NUDCD3: variants seen among roughly 807,000 people sequenced by gnomAD.
NUDCD3 encodes the protein nudC domain-containing protein 3.
A neutral mutation model predicts 39.7 loss-of-function variants in NUDCD3; 13 were observed. That is an observed-to-expected ratio of 0.33 (90% CI 0.21 to 0.52). The LOEUF (loss-of-function observed/expected upper bound fraction) is 0.52, where lower values mean the gene tolerates loss of function less well. Among genes scored for constraint, NUDCD3 ranks in the 20% least tolerant of loss-of-function variants. NUDCD3 has a pLI of 0.96. For missense variants in NUDCD3, 453 were observed against 458.1 expected, an observed-to-expected ratio of 0.99 and a Z score of 0.10; for synonymous variants, 175 against 172.4, an observed-to-expected ratio of 1.02 and a Z score of -0.12.
chr7:44,415,105 G>T (rs1314497569), intron 3 of NUDCD3, among the ~76,000 whole-genome samples: 1 of 152,174 alleles, frequency 6.6e-6, no homozygotes, highest in Non-Finnish European at 1.5e-5. Flanking sequence ...TGGAGGTGAC[G>T]GGACCTTGGT....
chr7:44,487,146 G>C (rs1386855149), intron 1 of NUDCD3, among the ~76,000 whole-genome samples: 1 of 152,120 alleles, frequency 6.6e-6, no homozygotes, highest in Non-Finnish European at 1.5e-5. Context: ...AACGATTTTT[G>C]TCTTAAAACA....
At chr7:44,469,587 C>G (rs1325773554) in intron 2 of NUDCD3, among the ~76,000 whole-genome samples, 1 of 152,102 alleles carries the variant, frequency 6.6e-6, no homozygotes, top group Non-Finnish European at 1.5e-5. Context: ...CCACAAGATA[C>G]TTATTAATTA....
At chr7:44,481,662 C>T (rs1303223662) in intron 2 of NUDCD3, among the ~76,000 whole-genome samples, 3 of 152,182 alleles carry the variant, frequency 2.0e-5, no homozygotes, top group Non-Finnish European at 4.4e-5. Flanking sequence ...TTCTCCATTC[C>T]CTTACTACAG....
chr7:44,399,424 T>C (rs1798681173), intron 4 of NUDCD3, among the ~76,000 whole-genome samples: 1 of 152,216 alleles, frequency 6.6e-6, no homozygotes, highest in Non-Finnish European at 1.5e-5. Flanking sequence ...GCTAAGGTAA[T>C]TTAATCTGTA....
chr7:44,411,827 C>T (rs969897279), intron 3 of NUDCD3, among the ~76,000 whole-genome samples: 2 of 152,148 alleles, frequency 1.3e-5, no homozygotes, highest in Non-Finnish European at 2.9e-5. Flanking sequence ...AAACATATGT[C>T]CAGAGAACTG....
chr7:44,390,347 G>C (rs1395441698), intron 5 of NUDCD3, among the ~76,000 whole-genome samples: 1 of 152,160 alleles, frequency 6.6e-6, no homozygotes, highest in African/African-American at 2.4e-5. Context: ...CTGGGTGACA[G>C]AGCGAGGCTC....
chr7:44,400,265 TGGGAGGGA>T (rs1277919252), intron 4 of NUDCD3, among the ~76,000 whole-genome samples: 3 of 144,248 alleles, frequency 2.1e-5, no homozygotes, highest in Admixed American at 6.8e-5. Context: ...TTCTGAAGTG[TGGGAGGGA>T]GGGAGGGAGG....
chr7:44,398,951 G>C (rs557462221), intron 4 of NUDCD3, among the ~76,000 whole-genome samples: 2 of 152,334 alleles, frequency 1.3e-5, no homozygotes, highest in South Asian at 4.1e-4. Flanking sequence ...GCAATCTCCT[G>C]ATTTTCAATG....
In NUDCD3 at chr7:44,404,475, A is replaced by T; in HGVS notation, c.751T>A (p.Ser251Thr). Residue 251 changes from serine to threonine, a missense_variant, in exon 4 of 6, where the codon TCT becomes ACT. Coordinates refer to ENST00000355451, the MANE Select transcript of NUDCD3 (RefSeq NM_015332.4). ...KLTHKINTES[S>T]LWSLEPGKCV... is the part of the protein sequence containing the mutation. ...TTCCCGGGCTCGAGACTCCAGAGAG[A>T]ACTCTCAGTGTTGATCTTGTGGGTG... The T allele has an allele frequency of 6.2e-7, 1 of 1,614,102 alleles. No homozygotes were observed.
At chr7:44,426,317 T>A in intron 3 of NUDCD3, 1 of 201,028 alleles carries the variant, frequency 5.0e-6, no homozygotes. Context: ...GTGCACAAAC[T>A]ACAGACCTAC....
Position 44,386,110 on chromosome 7 carries a change from C to T in NUDCD3, c.987G>A (p.Glu329=), listed in dbSNP as rs1160256955. Residue 329 remains glutamate (E), a synonymous_variant, in exon 6 of 6, where the codon GAG becomes GAA. Transcript: ENST00000355451. ...KPQSHELKVH[E]MLKKGWDAEG... is the part of the protein sequence containing the mutation. ...CAGCATCCCACCCCTTCTTCAGCAT[C>T]TCATGGACTTTCTACAAACAGAAAA... 1 of 1,614,076 alleles carries T rather than the reference C, an allele frequency of 6.2e-7. No individual in the cohort carries two copies. The highest frequency in any genetic ancestry group is 8.5e-7 in the Non-Finnish European group (1 of 1,180,030).
chr7:44,411,231 G>A (rs544049836), intron 3 of NUDCD3, among the ~76,000 whole-genome samples: 1 of 151,902 alleles, frequency 6.6e-6, no homozygotes, highest in African/African-American at 2.4e-5. Flanking sequence ...GTTAGGCAAC[G>A]GGTTTTAGAT....
chr7:44,444,995 T>G (rs1368465329), intron 2 of NUDCD3, among the ~76,000 whole-genome samples: 1 of 152,260 alleles, frequency 6.6e-6, no homozygotes, highest in Non-Finnish European at 1.5e-5. Flanking sequence ...TCTGAATTTC[T>G]GTCCATCTGA....
chr7:44,483,452 A>C (rs1023027987), intron 2 of NUDCD3, among the ~76,000 whole-genome samples: 1 of 152,174 alleles, frequency 6.6e-6, no homozygotes, highest in Admixed American at 6.5e-5. Context: ...TCTGCACTAT[A>C]AAAAATATTT....
chr7:44,485,284 C>A lies in NUDCD3; in HGVS notation c.193G>T (p.Val65Leu). Residue 65 changes from valine (V) to leucine (L), a missense_variant and splice_region_variant, in exon 2 of 6, where the codon GTA (valine) becomes TTA (leucine). Physicochemically the swap from Val to Leu is conservative, Grantham distance 32. Transcript: ENST00000355451. ...GCCATGTGGTCAAAGGTTTTGAATA[C>A]CTAAAATCAAACACCAATCCAGCAA... The part of the protein sequence containing the change: ...PGAAQALVLQ[V>L]FKTFDHMARQ... 2 of 1,603,818 alleles carry A rather than the reference C, an allele frequency of 1.2e-6. No homozygotes were observed. Among genetic ancestry groups the A allele is most frequent in the Non-Finnish European group, 8.5e-7 (1 of 1,173,654 alleles).
At chr7:44,429,207 T>C (rs1799301861) in intron 2 of NUDCD3, among the ~76,000 whole-genome samples, 1 of 152,148 alleles carries the variant, frequency 6.6e-6, no homozygotes, top group Non-Finnish European at 1.5e-5. Context: ...AAGAACTGAA[T>C]TGGGTCCCCT....
At position 44,430,980 on chromosome 7, in the gene NUDCD3, A is replaced by G. The variant is rs144352165; in HGVS notation, c.510-3277T>C. 9.1e-3 allele frequency among the ~76,000 whole-genome samples: 1,389 copies of G among 152,304 alleles called. 18 individuals are homozygous for G. Among genetic ancestry groups the G allele is most frequent in the African/African-American group, 0.031 (1,302 of 41,544 alleles). On this transcript the variant is annotated intron_variant, in intron 2 of 5. Transcript: ENST00000355451. ...GTAGCCCTGGCCTGGCTCCTCTTGC[A>G]TGGAACCTGCAGATTCCCTCCAAAG...
intron 2 of NUDCD3, among the ~76,000 whole-genome samples, chr7:44,463,391 T>C (rs1250963335): frequency 6.6e-6 from 1 of 152,090 alleles, no homozygotes; most frequent in African/African-American, 2.4e-5. Flanking sequence ...GCAGCTGACA[T>C]AGTCCATGCC....
chr7:44,445,636 TGTGTGCACACAG>T (rs1463755944), intron 2 of NUDCD3, among the ~76,000 whole-genome samples: 1 of 152,144 alleles, frequency 6.6e-6, no homozygotes, highest in Non-Finnish European at 1.5e-5. Flanking sequence ...GTGGGTTGTG[TGTGTGCACACAG>T]GTGTGCACAG....
Sources: gnomAD v4.1 joint callset for allele counts (sites outside exome capture counted in the v4.1 genomes callset) on GRCh38, gnomAD v4.1.1 for gene constraint, MANE v1.5 for transcripts, NCBI Gene and HGNC (gene_info 2026-07-23, HGNC 2026-07-21) for gene names.